Variants in RIMS2 observed in about 807,000 individuals in gnomAD.
RIMS2 encodes the protein regulating synaptic membrane exocytosis 2.
A neutral mutation model predicts 174.4 loss-of-function variants in RIMS2; 59 were observed. The observed-to-expected ratio is 0.34, with a 90% confidence interval of 0.27 to 0.42. The LOEUF is 0.42. Among genes scored for constraint, RIMS2 ranks in the 10% least tolerant of loss-of-function variants. The pLI, the probability that RIMS2 is intolerant of heterozygous loss-of-function variation, is 1.00. For missense variants in RIMS2, 1,620 were observed against 1,666.3 expected (o/e 0.97, Z 0.48); for synonymous variants, 606 against 572.5 (o/e 1.06, Z -0.84).
chr8:104,064,502 A>T (rs972844352), intron 19 of RIMS2, among the ~76,000 whole-genome samples: 1 of 152,114 alleles, frequency 6.6e-6, no homozygotes, highest in Non-Finnish European at 1.5e-5. Context: ...GGAAAGGAAG[A>T]AAAGTTTTGT....
chr8:103,611,784 A>G (rs2095374531), intron 1 of RIMS2, among the ~76,000 whole-genome samples: 1 of 151,682 alleles, frequency 6.6e-6, no homozygotes, highest in African/African-American at 2.4e-5. Flanking sequence ...TTGGTGTTCT[A>G]TAGCCTTCTT....
chr8:103,966,835 A>G (rs1470831655), intron 15 of RIMS2, among the ~76,000 whole-genome samples: 2 of 152,046 alleles, frequency 1.3e-5, no homozygotes, highest in African/African-American at 4.8e-5. Flanking sequence ...ATTTAAAGAT[A>G]TATTTAAATT....
intron 3 of RIMS2, among the ~76,000 whole-genome samples, chr8:103,816,245 A>G (rs1034572646): frequency 1.8e-4 from 28 of 152,208 alleles, no homozygotes; most frequent in Non-Finnish European, 3.1e-4. Flanking sequence ...AAAATAAACA[A>G]GCAAAAAAAT....
At chr8:104,249,632 T>G (rs764177465) in intron 22 of RIMS2, 44 bp downstream of exon 28, 19 of 1,117,332 alleles carry the variant, frequency 1.7e-5, no homozygotes, top group Non-Finnish European at 2.6e-5. Context: ...ATAATCCATA[T>G]TGTTTCAATT....
chr8:103,816,274 C>T (rs1297680507), intron 3 of RIMS2, among the ~76,000 whole-genome samples: 1 of 152,134 alleles, frequency 6.6e-6, no homozygotes, highest in African/African-American at 2.4e-5. Flanking sequence ...AAAATAAACA[C>T]TGTAGAAACT....
At chr8:103,844,968 C>A (rs1306230821) in intron 3 of RIMS2, among the ~76,000 whole-genome samples, 1 of 152,022 alleles carries the variant, frequency 6.6e-6, no homozygotes, top group Non-Finnish European at 1.5e-5. Flanking sequence ...TCAGCATTTT[C>A]CAGCTCTTAA....
chr8:103,782,497 T>G (rs2098401526), intron 3 of RIMS2, among the ~76,000 whole-genome samples: 1 of 151,710 alleles, frequency 6.6e-6, no homozygotes, highest in Non-Finnish European at 1.5e-5. Context: ...AGTAAATCTG[T>G]AAGATAAAGG....
intron 17 of RIMS2, among the ~76,000 whole-genome samples, chr8:104,002,342 C>T (rs1255255948): frequency 6.6e-6 from 1 of 152,020 alleles, no homozygotes; most frequent in Non-Finnish European, 1.5e-5. Context: ...CAAAAATATC[C>T]TCAATTCTCT....
intron 19 of RIMS2, among the ~76,000 whole-genome samples, chr8:104,232,030 G>A (rs928949660): frequency 7.9e-5 from 8 of 100,630 alleles, no homozygotes; most frequent in African/African-American, 2.1e-4. Context: ...AGCACTTAGC[G>A]CATATTGCCT....
chr8:103,755,342 C>A (rs1044899591), intron 2 of RIMS2, among the ~76,000 whole-genome samples: 4 of 152,174 alleles, frequency 2.6e-5, no homozygotes, highest in Non-Finnish European at 5.9e-5. Context: ...CCTGCCTTTT[C>A]TCTCTGGCTT....
intron 1 of RIMS2, among the ~76,000 whole-genome samples, chr8:103,612,594 CT>C (rs1406695708): frequency 3.9e-5 from 6 of 151,986 alleles, no homozygotes; most frequent in Non-Finnish European, 8.8e-5. Context: ...TTTTTCCCCC[CT>C]CTAGACGGAA....
intron 1 of RIMS2, among the ~76,000 whole-genome samples, chr8:103,654,332 G>A (rs1432013458): frequency 6.6e-6 from 1 of 151,860 alleles, no homozygotes; most frequent in African/African-American, 2.4e-5. Flanking sequence ...AAACACAAAA[G>A]AAATCACTTT....
chr8:104,197,540 G>T (rs1052367556), intron 19 of RIMS2, among the ~76,000 whole-genome samples: 1 of 152,158 alleles, frequency 6.6e-6, no homozygotes, highest in African/African-American at 2.4e-5. Flanking sequence ...CATGTTTAAG[G>T]TTGACAACTC....
chr8:104,201,367 CAAA>C (rs760608739), intron 19 of RIMS2, among the ~76,000 whole-genome samples: 5 of 151,980 alleles, frequency 3.3e-5, no homozygotes, highest in Non-Finnish European at 5.9e-5. Context: ...TCAGAACCAT[CAAA>C]AAATTCTAAA....
intron 3 of RIMS2, among the ~76,000 whole-genome samples, chr8:103,797,566 T>G (rs891283073): frequency 6.6e-6 from 1 of 152,216 alleles, no homozygotes; most frequent in African/African-American, 2.4e-5. Flanking sequence ...CCCTGCCCCT[T>G]AGCCTCATTT....
intron 1 of RIMS2, among the ~76,000 whole-genome samples, chr8:103,616,262 A>C (rs992283741): frequency 6.6e-6 from 1 of 152,162 alleles, no homozygotes; most frequent in Non-Finnish European, 1.5e-5. Context: ...AACTGAAGAC[A>C]AAAAAACACA....
intron 20 of RIMS2, among the ~76,000 whole-genome samples, chr8:104,246,864 G>A (rs1050140067): frequency 1.3e-5 from 2 of 152,106 alleles, no homozygotes; most frequent in Admixed American, 1.3e-4. Context: ...GGCAGGGGCG[G>A]GGGCAGCTTA....
At chr8:103,563,383 A>G (rs536556304) in intron 1 of RIMS2, among the ~76,000 whole-genome samples, 120 of 152,324 alleles carry the variant, frequency 7.9e-4, no homozygotes, top group African/African-American at 2.8e-3. Flanking sequence ...AAAGTTCCAC[A>G]GATCTCTAGG....
At chr8:103,741,099 A>G (rs2097757662) in intron 2 of RIMS2, among the ~76,000 whole-genome samples, 1 of 152,094 alleles carries the variant, frequency 6.6e-6, no homozygotes, top group South Asian at 2.1e-4. Flanking sequence ...ATTAATACAC[A>G]ATTGTTTAAA....
Sources: allele counts gnomAD v4.1 joint callset (sites outside exome capture counted in the v4.1 genomes callset), GRCh38; gene constraint gnomAD v4.1.1; transcripts MANE v1.5; gene names NCBI Gene and HGNC (gene_info 2026-07-23, HGNC 2026-07-21).